Variants in SIL1 observed in about 807,000 individuals in gnomAD.
SIL1 encodes nucleotide exchange factor SIL1.
SIL1 carries 40 observed loss-of-function variants against 49.1 expected under a neutral mutation model. The observed-to-expected ratio is 0.81, with a 90% CI of 0.63 to 1.06. SIL1 has a LOEUF of 1.06. Ranked by LOEUF, SIL1 falls within the 50% of genes least tolerant of loss-of-function variation. The pLI is 0.00. For missense variants in SIL1, 500 were observed against 572.6 expected, an observed-to-expected ratio of 0.87 and a Z score of 1.29; for synonymous variants, 253 against 250.8, an observed-to-expected ratio of 1.01 and a Z score of -0.08.
chr5:138,984,937 A>G (rs2150401800), intron 7 of SIL1, among the ~76,000 whole-genome samples: 1 of 152,338 alleles, frequency 6.6e-6, no homozygotes, highest in African/African-American at 2.4e-5. Context: ...ACACCAGCAA[A>G]ATAGGCAAAT....
intron 4 of SIL1, 32 bp from the exon 5 acceptor site, chr5:139,042,751 G>C: frequency 6.3e-7 from 1 of 1,589,966 alleles, no homozygotes; most frequent in Non-Finnish European, 8.6e-7. Context: ...TAAAGAGGGA[G>C]GCATGGCTAG....
chr5:138,991,056 T>C (rs753159361), intron 7 of SIL1, among the ~76,000 whole-genome samples: 2 of 152,230 alleles, frequency 1.3e-5, no homozygotes, highest in Non-Finnish European at 2.9e-5. Flanking sequence ...CTTTCCTTTT[T>C]CCGGGTGATC....
At chr5:139,109,545 A>G (rs1365811690) in intron 3 of SIL1, among the ~76,000 whole-genome samples, 2 of 152,118 alleles carry the variant, frequency 1.3e-5, no homozygotes, top group Non-Finnish European at 2.9e-5. Flanking sequence ...CATCTTCAGA[A>G]GAAAGGAAAT....
At chr5:139,150,502 C>T (rs1199332224) in intron 1 of SIL1, among the ~76,000 whole-genome samples, 1 of 152,108 alleles carries the variant, frequency 6.6e-6, no homozygotes, top group African/African-American at 2.4e-5. Flanking sequence ...ATTATTATAG[C>T]CACTCCCCAC....
At chr5:139,109,195 G>A (rs139914997) in intron 3 of SIL1, among the ~76,000 whole-genome samples, 100 of 152,254 alleles carry the variant, frequency 6.6e-4, no homozygotes, top group African/African-American at 2.0e-3. Flanking sequence ...AGTATCCTCA[G>A]CTAGATACTT....
intron 4 of SIL1, 118 bp downstream of exon 4, chr5:139,050,820 C>T: frequency 1.2e-6 from 1 of 838,462 alleles, no homozygotes; most frequent in Non-Finnish European, 2.0e-6. Flanking sequence ...ATCACAAATT[C>T]TATGCTATTA....
chr5:139,005,621 GTCCCCAGAGTGTGATAT>G (rs1768100413), intron 7 of SIL1, among the ~76,000 whole-genome samples: 1 of 91,666 alleles, frequency 1.1e-5, no homozygotes, highest in South Asian at 4.4e-4. Flanking sequence ...CCCCACCACA[GTCCCCAGAGTGTGATAT>G]TCCCCTTCCT....
rs565701031 is a variant in SIL1 at position 139,141,196 on chromosome 5, C to A, written c.-10-13343G>T. 5.3e-5 allele frequency among the ~76,000 whole-genome samples: 8 copies of A among 152,308 alleles called. No homozygotes were observed. The South Asian group carries it at 1.5e-3, about 28-fold the overall frequency. ...GAGGGACAATTGTCTGTGTAACATA[C>A]CACTGTCTCCTCATTGCCCAGCACT... On this transcript the variant is annotated intron_variant, in intron 1 of 9. Coordinates refer to ENST00000394817, the MANE Select transcript of SIL1 (RefSeq NM_022464.5).
At chr5:139,030,160 C>A (rs1048112135) in intron 5 of SIL1, among the ~76,000 whole-genome samples, 1 of 151,698 alleles carries the variant, frequency 6.6e-6, no homozygotes, top group African/African-American at 2.4e-5. Flanking sequence ...CTACAAAAAA[C>A]ACAAAAATTA....
At chr5:139,082,753 T>C (rs1321269427) in intron 3 of SIL1, among the ~76,000 whole-genome samples, 1 of 152,230 alleles carries the variant, frequency 6.6e-6, no homozygotes, top group Non-Finnish European at 1.5e-5. Flanking sequence ...GGTTGCTATG[T>C]GGGAATGGAT....
chr5:139,112,301 C>A (rs377535119), intron 3 of SIL1, among the ~76,000 whole-genome samples: 1 of 151,944 alleles, frequency 6.6e-6, no homozygotes, highest in Non-Finnish European at 1.5e-5. Context: ...TCTGCCTGGC[C>A]GCCCATCATC....
At chr5:139,137,203 A>C (rs928641880) in intron 1 of SIL1, 4 of 617,330 alleles carry the variant, frequency 6.5e-6, no homozygotes, top group Non-Finnish European at 1.2e-5. Flanking sequence ...CAACATTTAT[A>C]GAGAACTTTC....
intron 7 of SIL1, among the ~76,000 whole-genome samples, chr5:139,001,220 A>T (rs1427340388): frequency 6.6e-6 from 1 of 152,252 alleles, no homozygotes; most frequent in Non-Finnish European, 1.5e-5. Context: ...ATGGAGAAAT[A>T]GGAACCATCA....
chr5:139,192,997 CAAAAAAAAA>C (rs60150903), intron 1 of SIL1, among the ~76,000 whole-genome samples: 110 of 79,010 alleles, frequency 1.4e-3, no homozygotes, highest in African/African-American at 7.5e-3. Flanking sequence ...AACTCAGTCT[CAAAAAAAAA>C]AAAAAAAAAA....
chr5:138,984,556 G>T (rs943746594), intron 7 of SIL1, among the ~76,000 whole-genome samples: 1 of 151,796 alleles, frequency 6.6e-6, no homozygotes, highest in Non-Finnish European at 1.5e-5. Flanking sequence ...ATTGGGTTTT[G>T]CCCTGTTGGC....
intron 3 of SIL1, among the ~76,000 whole-genome samples, chr5:139,065,386 T>C (rs1769682636): frequency 6.6e-6 from 1 of 152,034 alleles, no homozygotes; most frequent in South Asian, 2.1e-4. Flanking sequence ...GTGGGGAGGA[T>C]TTAAAGGAGC....
intron 7 of SIL1, among the ~76,000 whole-genome samples, chr5:138,992,096 T>C (rs1320821934): frequency 2.0e-5 from 3 of 152,198 alleles, no homozygotes; most frequent in Non-Finnish European, 4.4e-5. Context: ...GCAGAACGGA[T>C]GTACTGAGTC....
intron 1 of SIL1, among the ~76,000 whole-genome samples, chr5:139,154,795 T>C (rs1399935485): frequency 6.6e-6 from 1 of 152,238 alleles, no homozygotes; most frequent in Non-Finnish European, 1.5e-5. Flanking sequence ...AAACACCTTT[T>C]TAATCAAGTG....
intron 2 of SIL1, among the ~76,000 whole-genome samples, chr5:139,123,738 A>C (rs1750700908): frequency 6.6e-6 from 1 of 152,168 alleles, no homozygotes; most frequent in Non-Finnish European, 1.5e-5. Context: ...GACTGCAGAA[A>C]CTGGAGCCCT....
Sources: allele counts gnomAD v4.1 joint callset (sites outside exome capture counted in the v4.1 genomes callset), GRCh38; gene constraint gnomAD v4.1.1; transcripts MANE v1.5; gene names NCBI Gene and HGNC (gene_info 2026-07-23, HGNC 2026-07-21).